Variants in GPR158 observed in about 807,000 individuals in gnomAD.
GPR158 encodes the protein metabotropic glycine receptor.
GPR158 carries 30 observed loss-of-function variants against 78.2 expected under a neutral mutation model. The observed-to-expected ratio is 0.38, with a 90% confidence interval of 0.29 to 0.52. The LOEUF is 0.52. Ranked by LOEUF, GPR158 falls within the 20% of genes least tolerant of loss-of-function variation. GPR158 has a pLI of 0.83. For missense variants in GPR158, 1,463 were observed against 1,523.5 expected (o/e 0.96, Z 0.66); for synonymous variants, 581 against 591.1 (o/e 0.98, Z 0.25).
chr10:25,407,758 T>C (rs1177514134), intron 3 of GPR158, among the ~76,000 whole-genome samples: 1 of 152,198 alleles, frequency 6.6e-6, no homozygotes, highest in Non-Finnish European at 1.5e-5. Context: ...TTTTTACTGC[T>C]ATACTGTGGT....
intron 5 of GPR158, among the ~76,000 whole-genome samples, chr10:25,521,761 C>T (rs1836278720): frequency 6.6e-6 from 1 of 152,196 alleles, no homozygotes; most frequent in Non-Finnish European, 1.5e-5. Flanking sequence ...GCTAATGCAG[C>T]ACACATCAAA....
At chr10:25,391,867 A>G (rs1179196908) in intron 2 of GPR158, among the ~76,000 whole-genome samples, 2 of 152,140 alleles carry the variant, frequency 1.3e-5, no homozygotes, top group African/African-American at 4.8e-5. Context: ...AATTGTTCCT[A>G]TCCTAATCCC....
chr10:25,380,522 G>A (rs1199206488), intron 2 of GPR158, among the ~76,000 whole-genome samples: 2 of 151,708 alleles, frequency 1.3e-5, no homozygotes, highest in Non-Finnish European at 2.9e-5. Context: ...TACATTTTAT[G>A]TGTTTTTTCA....
chr10:25,182,571 GGA>G (rs1291254220), intron 1 of GPR158, among the ~76,000 whole-genome samples: 2 of 152,186 alleles, frequency 1.3e-5, no homozygotes, highest in Admixed American at 1.3e-4. Context: ...CTTACTGTCT[GGA>G]GAGATAACTG....
chr10:25,195,502 C>T (rs536817916), intron 1 of GPR158, among the ~76,000 whole-genome samples: 3 of 152,112 alleles, frequency 2.0e-5, no homozygotes, highest in South Asian at 2.1e-4. Context: ...CACCACACCC[C>T]GCCAGCCCAA....
intron 1 of GPR158, among the ~76,000 whole-genome samples, chr10:25,188,423 T>A (rs1852720045): frequency 1.3e-5 from 2 of 152,162 alleles, no homozygotes; most frequent in Non-Finnish European, 2.9e-5. Flanking sequence ...ATGGTACTGG[T>A]ATCAAACACA....
chr10:25,519,418 G>T (rs1268861686), intron 5 of GPR158, among the ~76,000 whole-genome samples: 20 of 129,240 alleles, frequency 1.5e-4, no homozygotes, highest in Non-Finnish European at 2.7e-4. Context: ...CTGTCATTAT[G>T]ATGTTAGCTG....
chr10:25,242,339 T>G (rs1269281011), intron 2 of GPR158, among the ~76,000 whole-genome samples: 1 of 152,218 alleles, frequency 6.6e-6, no homozygotes, highest in African/African-American at 2.4e-5. Context: ...TCATAGAAAA[T>G]ATGTGCTATG....
At chr10:25,507,034 G>A (rs753792804) in intron 5 of GPR158, among the ~76,000 whole-genome samples, 5 of 152,106 alleles carry the variant, frequency 3.3e-5, no homozygotes, top group East Asian at 1.9e-4. Context: ...GGTTTGCTTC[G>A]GGTTCATGAC....
chr10:25,468,536 G>A (rs1003566295), intron 5 of GPR158, among the ~76,000 whole-genome samples: 11 of 152,136 alleles, frequency 7.2e-5, no homozygotes, highest in African/African-American at 2.2e-4. Context: ...AGTAAGTATC[G>A]CTTTCCTTCT....
At chr10:25,407,847 A>G (rs1834534925) in intron 3 of GPR158, among the ~76,000 whole-genome samples, 1 of 152,294 alleles carries the variant, frequency 6.6e-6, no homozygotes, top group Non-Finnish European at 1.5e-5. Context: ...TGTCCTCTAT[A>G]GTATGTTCTC....
intron 5 of GPR158, among the ~76,000 whole-genome samples, chr10:25,509,755 C>T (rs887205119): frequency 2.0e-5 from 3 of 152,158 alleles, no homozygotes; most frequent in South Asian, 4.1e-4. Context: ...CTCGCTCTGT[C>T]ACCCAGGCTG....
rs534370752 is a variant in GPR158 at position 25,333,192 on chromosome 10, AT to A, written c.1009-62717del. Among the ~76,000 whole-genome samples the A allele has an allele frequency of 3.3e-3, 504 of 152,294 alleles. 2 individuals are homozygous for A. Among genetic ancestry groups the A allele is most frequent in the African/African-American group, 0.011 (465 of 41,562 alleles). ...TCGTATGACTTTTTCATTTCCTGGA[AT>A]TCTCCTAACAACAAAACAAGAGGCT... is the stretch of plus-strand genomic sequence containing the variant. On this transcript the variant is annotated intron_variant, in intron 2 of 10. Coordinates refer to ENST00000376351, the MANE Select transcript of GPR158 (RefSeq NM_020752.3).
At chr10:25,225,347 C>T (rs1244264405) in intron 2 of GPR158, among the ~76,000 whole-genome samples, 1 of 152,000 alleles carries the variant, frequency 6.6e-6, no homozygotes, top group South Asian at 2.1e-4. Context: ...ACAATACACT[C>T]TGAAAATGCA....
chr10:25,179,681 G>A (rs949945916), intron 1 of GPR158, among the ~76,000 whole-genome samples: 15 of 152,134 alleles, frequency 9.9e-5, no homozygotes, highest in Admixed American at 7.9e-4. Flanking sequence ...CATATGGGAA[G>A]AGAAGTTTAT....
chr10:25,210,538 C>A (rs1356853884), intron 1 of GPR158, among the ~76,000 whole-genome samples: 1 of 152,176 alleles, frequency 6.6e-6, no homozygotes, highest in African/African-American at 2.4e-5. Flanking sequence ...ATACAGCTTT[C>A]TAAATATTTT....
intron 6 of GPR158, among the ~76,000 whole-genome samples, chr10:25,553,745 G>A (rs16926082): frequency 0.021 from 3,225 of 152,226 alleles, 108 homozygotes; most frequent in African/African-American, 0.074. Flanking sequence ...CTGAAGGAGG[G>A]ACGTCTAAGC....
intron 5 of GPR158, among the ~76,000 whole-genome samples, chr10:25,517,879 G>A (rs1413859509): frequency 7.1e-6 from 1 of 141,316 alleles, no homozygotes; most frequent in Non-Finnish European, 1.5e-5. Flanking sequence ...GAATGATGCT[G>A]GCCTCATAAA....
intron 2 of GPR158, among the ~76,000 whole-genome samples, chr10:25,379,647 C>CTTTT (rs11393897): frequency 0.095 from 10,123 of 106,992 alleles, 1,001 homozygotes; most frequent in Non-Finnish European, 0.14. Context: ...TGAGGATTAG[C>CTTTT]TTTTTTTTTT....
Sources: allele counts gnomAD v4.1 joint callset (sites outside exome capture counted in the v4.1 genomes callset), GRCh38; gene constraint gnomAD v4.1.1; transcripts MANE v1.5; gene names NCBI Gene and HGNC (gene_info 2026-07-23, HGNC 2026-07-21).